MPHOSPH6: variants seen among roughly 807,000 people sequenced by gnomAD.
The protein encoded by MPHOSPH6 is M-phase phosphoprotein 6.
MPHOSPH6 carries 25 observed loss-of-function variants against 21.8 expected under a neutral mutation model. That is an observed-to-expected ratio of 1.15 (90% CI 0.83 to 1.60). The LOEUF (loss-of-function observed/expected upper bound fraction) is 1.60. MPHOSPH6 is among the 40% of genes most tolerant of loss of function. The probability of loss-of-function intolerance (pLI) is 0.00; values close to 1 mark genes in which losing one functional copy is unlikely to be tolerated. For synonymous variants in MPHOSPH6, 84 were observed against 56.5 expected (o/e 1.49, Z -2.18); for missense variants, 269 against 181.8 (o/e 1.48, Z -2.76).
chr16:82,150,857 C>T (rs968080374), intron 3 of MPHOSPH6, among the ~76,000 whole-genome samples: 2 of 152,188 alleles, frequency 1.3e-5, no homozygotes, highest in Non-Finnish European at 2.9e-5. Context: ...GATAGGATGG[C>T]TTTTAACATA....
At chr16:82,163,833 T>A (rs1459842922) in intron 2 of MPHOSPH6, 1 of 376,044 alleles carries the variant, frequency 2.7e-6, no homozygotes, top group Non-Finnish European at 4.7e-6. Context: ...CTATCAGAGA[T>A]ATGTGGGCTA....
chr16:82,152,285 C>A (rs889021840), intron 2 of MPHOSPH6, among the ~76,000 whole-genome samples: 2 of 152,086 alleles, frequency 1.3e-5, no homozygotes, highest in African/African-American at 2.4e-5. Context: ...GTGGTGACTT[C>A]TGAGATTTTG....
chr16:82,165,135 T>TTTTTTTTG, intron 1 of MPHOSPH6, among the ~76,000 whole-genome samples: 1 of 121,034 alleles, frequency 8.3e-6, no homozygotes, highest in Non-Finnish European at 1.6e-5. Flanking sequence ...TTTTTTTTAT[T>TTTTTTTTG]TTTTTTTTTT....
intron 2 of MPHOSPH6, chr16:82,163,832 A>G (rs887245691): frequency 1.1e-5 from 4 of 375,054 alleles, no homozygotes; most frequent in Non-Finnish European, 1.9e-5. Flanking sequence ...ACTATCAGAG[A>G]TATGTGGGCT....
intron 2 of MPHOSPH6, 142 bp downstream of exon 2, chr16:82,163,940 T>C (rs1906681616): frequency 2.0e-5 from 12 of 588,720 alleles, no homozygotes; most frequent in Non-Finnish European, 3.5e-5. Flanking sequence ...AGGTTTAATA[T>C]TTTTTAGTTG....
intron 2 of MPHOSPH6, among the ~76,000 whole-genome samples, chr16:82,157,906 A>G (rs1252793525): frequency 6.6e-6 from 1 of 152,212 alleles, no homozygotes; most frequent in Non-Finnish European, 1.5e-5. Flanking sequence ...GCAGGAGGTC[A>G]GAGTTACTTG....
intron 2 of MPHOSPH6, among the ~76,000 whole-genome samples, chr16:82,162,798 A>G (rs1315506281): frequency 1.3e-5 from 2 of 152,246 alleles, no homozygotes; most frequent in African/African-American, 2.4e-5. Context: ...GCAAAAAGGC[A>G]TTATTTACCT....
At chr16:82,162,470 G>C (rs1317167766) in intron 2 of MPHOSPH6, among the ~76,000 whole-genome samples, 1 of 152,232 alleles carries the variant, frequency 6.6e-6, no homozygotes, top group Non-Finnish European at 1.5e-5. Flanking sequence ...TTGCTGCCAG[G>C]TACCTGGCTC....
chr16:82,169,344 TCA>T lies in MPHOSPH6; in HGVS notation c.51+779_51+780del, dbSNP rs372715861. Among the ~76,000 whole-genome samples the T allele has an allele frequency of 3.5e-3, 531 of 152,306 alleles. 5 individuals carry two copies. The highest frequency in any genetic ancestry group is 0.024 in the Middle Eastern group (7 of 294). On this transcript the variant is annotated intron_variant, in intron 1 of 4. Coordinates refer to ENST00000258169, the MANE Select transcript of MPHOSPH6 (RefSeq NM_005792.2). ...TTTCTTGCCTCTCAGACTTCTGAAC[TCA>T]GTTTCTCCTAGTTTAGGACGCTGTG...
At chr16:82,165,695 G>T (rs1267718492) in intron 1 of MPHOSPH6, among the ~76,000 whole-genome samples, 1 of 29,908 alleles carries the variant, frequency 3.3e-5, no homozygotes, top group Admixed American at 6.6e-4. Context: ...ACTGCCTACA[G>T]TATTCAGTAC....
chr16:82,157,860 C>A (rs1906478234), intron 2 of MPHOSPH6, among the ~76,000 whole-genome samples: 1 of 152,164 alleles, frequency 6.6e-6, no homozygotes, highest in Admixed American at 6.5e-5. Flanking sequence ...AAACATAAAG[C>A]CCCTGCAGTT....
chr16:82,153,847 A>G (rs1906345453), intron 2 of MPHOSPH6, among the ~76,000 whole-genome samples: 1 of 152,198 alleles, frequency 6.6e-6, no homozygotes, highest in Admixed American at 6.5e-5. Context: ...ACAGTTCTGT[A>G]CAAAATCCAG....
At chr16:82,159,025 C>G (rs1003496885) in intron 2 of MPHOSPH6, among the ~76,000 whole-genome samples, 51 of 152,210 alleles carry the variant, frequency 3.4e-4, no homozygotes, top group African/African-American at 1.2e-3. Flanking sequence ...GCAATTTACT[C>G]TGAAGAAACT....
intron 2 of MPHOSPH6, among the ~76,000 whole-genome samples, chr16:82,159,057 T>C (rs1906524572): frequency 1.3e-5 from 2 of 152,166 alleles, no homozygotes; most frequent in African/African-American, 2.4e-5. Flanking sequence ...AGTTTTGGAG[T>C]TGTACCAAAG....
intron 1 of MPHOSPH6, among the ~76,000 whole-genome samples, chr16:82,168,000 A>C (rs574006795): frequency 1.3e-5 from 2 of 152,226 alleles, no homozygotes; most frequent in Non-Finnish European, 2.9e-5. Flanking sequence ...GTCTCCTGCT[A>C]TCTTGCCAGT....
At chr16:82,151,993 T>A (rs1906279824) in intron 2 of MPHOSPH6, among the ~76,000 whole-genome samples, 1 of 152,208 alleles carries the variant, frequency 6.6e-6, no homozygotes, top group African/African-American at 2.4e-5. Flanking sequence ...TTTCAAAAAT[T>A]CCATTCTCTA....
At chr16:82,154,856 A>G (rs76493162) in intron 2 of MPHOSPH6, among the ~76,000 whole-genome samples, 21,436 of 152,176 alleles carry the variant, frequency 0.14, 2,222 homozygotes, top group East Asian at 0.34. Flanking sequence ...ACCAAGAACT[A>G]AGAAGAGGAG....
At chr16:82,159,885 T>C (rs548969309) in intron 2 of MPHOSPH6, among the ~76,000 whole-genome samples, 2 of 152,334 alleles carry the variant, frequency 1.3e-5, no homozygotes, top group South Asian at 2.1e-4. Flanking sequence ...TGTTCAGCTT[T>C]TTCTATGAAC....
At chr16:82,154,169 G>C (rs1019735603) in intron 2 of MPHOSPH6, among the ~76,000 whole-genome samples, 1 of 152,196 alleles carries the variant, frequency 6.6e-6, no homozygotes, top group South Asian at 2.1e-4. Context: ...AGAAATAACA[G>C]AGCTTGCACA....
Sources: allele counts gnomAD v4.1 joint callset (sites outside exome capture counted in the v4.1 genomes callset), GRCh38; gene constraint gnomAD v4.1.1; transcripts MANE v1.5; gene names NCBI Gene and HGNC (gene_info 2026-07-23, HGNC 2026-07-21).